TXLNG: variants seen among roughly 807,000 people sequenced by gnomAD.
TXLNG encodes gamma-taxilin.
A neutral mutation model predicts 38.8 loss-of-function variants in TXLNG; 5 were observed. That is an observed-to-expected ratio of 0.13 (90% CI 0.07 to 0.27). The LOEUF is 0.27. Ranked by LOEUF, TXLNG falls within the 10% of genes least tolerant of loss-of-function variation. The pLI is 1.00. For missense variants in TXLNG, 393 were observed against 398.2 expected (o/e 0.99, Z 0.11); for synonymous variants, 182 against 158.2 (o/e 1.15, Z -1.13).
At chrX:16,836,818 T>C (rs983430284) in intron 7 of TXLNG, among the ~76,000 whole-genome samples, 1 of 111,964 alleles carries the variant, frequency 8.9e-6, no homozygotes, top group African/African-American at 3.2e-5. Flanking sequence ...TGTTCCCCTA[T>C]CCTGAAAATA....
At chrX:16,805,908 T>C (rs1301229196) in intron 1 of TXLNG, among the ~76,000 whole-genome samples, 1 of 112,645 alleles carries the variant, frequency 8.9e-6, no homozygotes, top group African/African-American at 3.2e-5. Context: ...ATTTCATTTC[T>C]TTGTTCTAAC....
In TXLNG at chrX:16,841,590, G is replaced by A. The variant is rs768829690; in HGVS notation, c.1411G>A (p.Asp471Asn). The change falls in exon 10 of 10, where the codon GAT (aspartate) becomes AAT (asparagine). Residue 471 changes from aspartate to asparagine, a missense_variant. By Grantham distance (23) the Asp-to-Asn change is conservative. Transcript: ENST00000380122. ...AGCGGCCATCAAAGCGGCGAACAGG[G>A]ATTTAGCAACACCTGTGATGCAGCC... ...IKAAIKAANR[D>N]LATPVMQPCT... The A allele has an allele frequency of 1.7e-5, 20 of 1,209,661 alleles. No homozygotes were observed. In the East Asian group the frequency reaches 5.0e-4, roughly 30 times the overall value.
intron 1 of TXLNG, among the ~76,000 whole-genome samples, chrX:16,802,817 CTTTCT>C (rs1390143976): frequency 4.4e-4 from 37 of 84,851 alleles, no homozygotes; most frequent in Non-Finnish European, 6.7e-4. Flanking sequence ...TGCTTTCTTT[CTTTCT>C]TTTTTTTTTT....
At chrX:16,814,490 C>G (rs1052338058) in intron 1 of TXLNG, among the ~76,000 whole-genome samples, 16 of 111,714 alleles carry the variant, frequency 1.4e-4, no homozygotes, top group African/African-American at 5.2e-4. Context: ...TTGCGGGTGC[C>G]CGTAATCCCA....
chrX:16,824,108 C>T (rs1221599246), intron 3 of TXLNG, among the ~76,000 whole-genome samples: 1 of 112,051 alleles, frequency 8.9e-6, no homozygotes, highest in Non-Finnish European at 1.9e-5. Flanking sequence ...GGTAGCTCAG[C>T]CCTGTAGCAT....
intron 4 of TXLNG, among the ~76,000 whole-genome samples, 181 bp downstream of exon 4, chrX:16,828,445 C>T (rs1431058892): frequency 8.9e-6 from 1 of 112,173 alleles, no homozygotes; most frequent in East Asian, 2.8e-4. Flanking sequence ...ATTCTTTCTA[C>T]GTAAGTTTTG....
intron 1 of TXLNG, among the ~76,000 whole-genome samples, chrX:16,788,654 A>G (rs1927586951): frequency 9.7e-6 from 1 of 103,303 alleles, no homozygotes; most frequent in African/African-American, 3.5e-5. Flanking sequence ...AAAAAAACAA[A>G]CAAACTTGTT....
At chrX:16,836,038 G>A (rs1929581400) in intron 7 of TXLNG, among the ~76,000 whole-genome samples, 2 of 112,318 alleles carry the variant, frequency 1.8e-5, no homozygotes. Context: ...CGGGCGGATC[G>A]CTTGAGCTTA....
chrX:16,815,424 C>T (rs779500825), intron 1 of TXLNG, among the ~76,000 whole-genome samples: 1 of 112,172 alleles, frequency 8.9e-6, no homozygotes, highest in Admixed American at 9.5e-5. Context: ...ATCCGCCTGC[C>T]TCAGCCTCCC....
chrX:16,839,988 G>C (rs1214257031), intron 9 of TXLNG, 72 bp downstream of exon 9: 1 of 822,198 alleles, frequency 1.2e-6, no homozygotes, highest in African/African-American at 2.1e-5. Flanking sequence ...ACCTATCGGG[G>C]CCGGGGACGT....
chrX:16,794,621 TGATG>T (rs1296600517), intron 1 of TXLNG, among the ~76,000 whole-genome samples: 1 of 111,644 alleles, frequency 9.0e-6, no homozygotes, highest in Non-Finnish European at 1.9e-5. Flanking sequence ...AAAGAAGGCT[TGATG>T]TTTCAGAGGT....
At chrX:16,812,614 G>A (rs1438580190) in intron 1 of TXLNG, among the ~76,000 whole-genome samples, 2 of 103,005 alleles carry the variant, frequency 1.9e-5, no homozygotes, top group Non-Finnish European at 3.9e-5. Context: ...GGCTGGTCTC[G>A]AACTCCTGAT....
chrX:16,794,988 A>G (rs1280722935), intron 1 of TXLNG, among the ~76,000 whole-genome samples: 1 of 111,823 alleles, frequency 8.9e-6, no homozygotes, highest in African/African-American at 3.3e-5. Flanking sequence ...TATATAAAAG[A>G]ATAATTTAGC....
At chrX:16,788,667 G>GTTGT (rs1927590041) in intron 1 of TXLNG, among the ~76,000 whole-genome samples, 2 of 80,348 alleles carry the variant, frequency 2.5e-5, no homozygotes, top group Non-Finnish European at 2.3e-5. Flanking sequence ...AACTTGTTGT[G>GTTGT]TTTTTTTTTT....
intron 1 of TXLNG, among the ~76,000 whole-genome samples, chrX:16,793,110 A>ATAT (rs1284274836): frequency 1.8e-5 from 2 of 109,580 alleles, no homozygotes; most frequent in Non-Finnish European, 1.9e-5. Flanking sequence ...AAAAAAAAAA[A>ATAT]AAGTATACAA....
intron 1 of TXLNG, among the ~76,000 whole-genome samples, chrX:16,789,476 C>T (rs907960681): frequency 9.2e-6 from 1 of 108,834 alleles, no homozygotes; most frequent in Non-Finnish European, 1.9e-5. Context: ...GTTATACTAA[C>T]CAAGTTTCAG....
chrX:16,794,750 T>C, intron 1 of TXLNG, among the ~76,000 whole-genome samples: 1 of 111,659 alleles, frequency 9.0e-6, no homozygotes, highest in South Asian at 3.7e-4. Flanking sequence ...TAAGAGTCTG[T>C]GGCTTAAAGA....
intron 1 of TXLNG, among the ~76,000 whole-genome samples, chrX:16,787,212 G>T (rs1602350008): frequency 8.9e-6 from 1 of 111,789 alleles, no homozygotes; most frequent in African/African-American, 3.2e-5. Context: ...GTGCGAGCGG[G>T]ACGCTCGGCC....
At chrX:16,791,538 A>G (rs1927704964) in intron 1 of TXLNG, among the ~76,000 whole-genome samples, 1 of 112,309 alleles carries the variant, frequency 8.9e-6, no homozygotes, top group Non-Finnish European at 1.9e-5. Context: ...ATATCATATT[A>G]TGTCATATTT....
Sources: gnomAD v4.1 joint callset for allele counts (sites outside exome capture counted in the v4.1 genomes callset) on GRCh38, gnomAD v4.1.1 for gene constraint, MANE v1.5 for transcripts, NCBI Gene and HGNC (gene_info 2026-07-23, HGNC 2026-07-21) for gene names.